The following KCNH1 variants were observed in gnomAD, a reference collection of about 807,000 sequenced individuals.
The protein encoded by KCNH1 is potassium voltage-gated channel subfamily H member 1, also known as voltage-gated delayed rectifier potassium channel KCNH1.
Under a neutral mutation model 69.2 loss-of-function variants are expected in KCNH1, and 27 were observed. The ratio of observed to expected loss-of-function variants is 0.39; its 90% CI spans 0.29 to 0.54. The LOEUF is 0.54. Among genes scored for constraint, KCNH1 ranks in the 20% least tolerant of loss-of-function variants. KCNH1 has a pLI of 0.68. For missense variants in KCNH1, 798 were observed against 1,261.6 expected, an observed-to-expected ratio of 0.63 and a Z score of 5.57; for synonymous variants, 456 against 487.7, an observed-to-expected ratio of 0.93 and a Z score of 0.86.
At chr1:210,921,609 C>G (rs536194568) in intron 6 of KCNH1, among the ~76,000 whole-genome samples, 1 of 152,288 alleles carries the variant, frequency 6.6e-6, no homozygotes, top group East Asian at 1.9e-4. Context: ...CTTCTTCCAT[C>G]TGGGTGGTTC....
At chr1:210,852,996 C>CA (rs1243232420) in intron 7 of KCNH1, among the ~76,000 whole-genome samples, 2 of 152,162 alleles carry the variant, frequency 1.3e-5, no homozygotes, top group African/African-American at 4.8e-5. Context: ...ACATTTCCAT[C>CA]ATGTGCTAGC....
At chr1:210,913,722 G>A (rs1477146989) in intron 7 of KCNH1, among the ~76,000 whole-genome samples, 1 of 152,184 alleles carries the variant, frequency 6.6e-6, no homozygotes, top group Non-Finnish European at 1.5e-5. Context: ...GGGAGAAGAA[G>A]GAAAGTTGAG....
At chr1:210,961,813 C>T (rs1688300233) in intron 6 of KCNH1, among the ~76,000 whole-genome samples, 8 of 150,608 alleles carry the variant, frequency 5.3e-5, no homozygotes, top group Admixed American at 2.7e-4. Context: ...GCACTCCAAC[C>T]TGGGAAACAA....
intron 6 of KCNH1, among the ~76,000 whole-genome samples, chr1:210,939,380 G>A (rs879482038): frequency 2.6e-5 from 4 of 152,168 alleles, no homozygotes; most frequent in Admixed American, 2.6e-4. Flanking sequence ...ATAGGGTTGT[G>A]AAGGAAAACT....
intron 10 of KCNH1, among the ~76,000 whole-genome samples, chr1:210,758,832 A>T (rs745802341): frequency 2.9e-4 from 44 of 152,168 alleles, no homozygotes; most frequent in Non-Finnish European, 5.9e-4. Flanking sequence ...GTGAAGGCAA[A>T]CGCACACTGG....
Position 210,683,528 on chromosome 1 carries a change from G to A in KCNH1, c.2723C>T (p.Ala908Val). The part of the protein sequence containing the change: ...RSPQDRSPIL[A>V]EVKHSFYPIP... Reference sequence around the variant, plus strand: ...GGGGTAGAACGAATGCTTGACCTCTGCCAGGATGGGACTCCGATCCTGGGG... The same window carrying A: ...GGGGTAGAACGAATGCTTGACCTCTACCAGGATGGGACTCCGATCCTGGGG... Residue 908 changes from alanine (A) to valine (V), a missense_variant, in exon 11 of 11, where the codon GCA (alanine) becomes GTA (valine). Around this residue, in one of 4 missense-constraint regions of KCNH1, gnomAD observed 331 missense variants for 363.2 expected, o/e 0.91. Transcript: ENST00000271751. This position sits in a 1 kb window ranked among gnomAD's most constrained non-coding sequence, Gnocchi z 5.7. The A allele has an allele frequency of 6.2e-7, 1 of 1,614,124 alleles. No homozygotes were observed. The highest frequency in any genetic ancestry group is 8.5e-7 in the Non-Finnish European group (1 of 1,180,016).
intron 5 of KCNH1, among the ~76,000 whole-genome samples, chr1:211,075,887 G>A (rs190937280): frequency 8.7e-4 from 133 of 152,348 alleles, no homozygotes; most frequent in Admixed American, 3.6e-3. Flanking sequence ...CAAATACTGT[G>A]CTTTTCCAAT....
chr1:211,051,423 A>G (rs762520455), intron 5 of KCNH1, among the ~76,000 whole-genome samples: 53 of 152,060 alleles, frequency 3.5e-4, no homozygotes, highest in Non-Finnish European at 6.9e-4. Context: ...AGCTTCTAAG[A>G]GGAAGCCTAC....
intron 5 of KCNH1, among the ~76,000 whole-genome samples, chr1:211,049,738 C>T (rs1198225743): frequency 1.3e-5 from 2 of 152,206 alleles, no homozygotes; most frequent in Non-Finnish European, 2.9e-5. Context: ...AGAAAAGACA[C>T]AGGCTTGAAC....
chr1:210,952,508 G>A (rs6697578), intron 6 of KCNH1, among the ~76,000 whole-genome samples: 50,385 of 152,014 alleles, frequency 0.33, 8,774 homozygotes, highest in Non-Finnish European at 0.38. Flanking sequence ...AATACTTGCA[G>A]TACAGCAACA....
At chr1:210,902,615 A>G (rs964057257) in intron 7 of KCNH1, among the ~76,000 whole-genome samples, 2 of 152,212 alleles carry the variant, frequency 1.3e-5, no homozygotes, top group Admixed American at 1.3e-4. Flanking sequence ...TGGTGGTTTC[A>G]GGCACTGCTA....
chr1:210,793,571 C>G (rs1250457477), intron 9 of KCNH1, among the ~76,000 whole-genome samples: 1 of 152,196 alleles, frequency 6.6e-6, no homozygotes, highest in African/African-American at 2.4e-5. Context: ...GTTATGAGTA[C>G]TGACCCTTTT....
chr1:211,034,948 A>T (rs1689867355), intron 5 of KCNH1, among the ~76,000 whole-genome samples: 1 of 152,184 alleles, frequency 6.6e-6, no homozygotes, highest in Non-Finnish European at 1.5e-5. Flanking sequence ...TGACAGTTTG[A>T]TATAATCTAT....
chr1:210,906,126 C>T (rs1381427233), intron 7 of KCNH1, among the ~76,000 whole-genome samples: 2 of 152,216 alleles, frequency 1.3e-5, no homozygotes, highest in East Asian at 3.9e-4. Context: ...GCTCTATTTT[C>T]AGCAGGGCTG....
intron 6 of KCNH1, among the ~76,000 whole-genome samples, chr1:210,986,939 G>C (rs1311492530): frequency 6.6e-6 from 1 of 152,072 alleles, no homozygotes; most frequent in Non-Finnish European, 1.5e-5. Context: ...TGTAGATTTG[G>C]TCTTTTCACA....
intron 7 of KCNH1, among the ~76,000 whole-genome samples, chr1:210,836,725 T>C (rs1263205882): frequency 1.3e-5 from 2 of 152,150 alleles, no homozygotes; most frequent in Admixed American, 6.6e-5. Context: ...ATGAATTGTA[T>C]AGAAAGACAA....
At chr1:210,954,006 T>C (rs1217738776) in intron 6 of KCNH1, among the ~76,000 whole-genome samples, 2 of 152,196 alleles carry the variant, frequency 1.3e-5, no homozygotes, top group South Asian at 2.1e-4. Context: ...CATCAACTCG[T>C]CATTTACATT....
rs543240681 is a variant in KCNH1, at chr1:210,892,111, T to A, written c.1462+27529A>T. Among the ~76,000 whole-genome samples, 4 of 152,032 alleles carry A rather than the reference T, an allele frequency of 2.6e-5. No homozygotes were observed. In the East Asian group the frequency reaches 7.8e-4, roughly 30 times the overall value. ...ATAGCATTAGAAGAAATACCTAATG[T>A]AGATCACAGGTTGATGGGTACATCA... is the stretch of plus-strand genomic sequence containing the variant. On this transcript the variant is annotated intron_variant, in intron 7 of 10. Coordinates refer to ENST00000271751, the MANE Select transcript of KCNH1 (RefSeq NM_172362.3).
chr1:211,112,013 G>C (rs934502128), intron 1 of KCNH1, among the ~76,000 whole-genome samples: 1 of 149,582 alleles, frequency 6.7e-6, no homozygotes, highest in Non-Finnish European at 1.5e-5. Flanking sequence ...CACCATCTGG[G>C]AAGTGAGGAG....
Sources: allele counts gnomAD v4.1 joint callset (sites outside exome capture counted in the v4.1 genomes callset), GRCh38; gene constraint gnomAD v4.1.1; regional missense constraint gnomAD v4.1.1; non-coding constraint Gnocchi (gnomAD v3.1); transcripts MANE v1.5; gene names NCBI Gene and HGNC (gene_info 2026-07-23, HGNC 2026-07-21).